TSPAN12: variants seen among roughly 807,000 people sequenced by gnomAD.
The protein encoded by TSPAN12 is tetraspanin-12.
Under a neutral mutation model 39.2 loss-of-function variants are expected in TSPAN12, and 19 were observed. The ratio of observed to expected loss-of-function variants is 0.49; its 90% confidence interval spans 0.34 to 0.71. The LOEUF (loss-of-function observed/expected upper bound fraction) is 0.71, where lower values mean the gene tolerates loss of function less well. TSPAN12 is among the 30% of genes least tolerant of loss of function. TSPAN12 has a pLI of 0.01. For synonymous variants in TSPAN12, 119 were observed against 124.8 expected, an observed-to-expected ratio of 0.95 and a Z score of 0.31; for missense variants, 314 against 359.9, an observed-to-expected ratio of 0.87 and a Z score of 1.03.
At chr7:120,853,362 C>G (rs139197554) in intron 2 of TSPAN12, among the ~76,000 whole-genome samples, 2,094 of 151,152 alleles carry the variant, frequency 0.014, 27 homozygotes, top group African/African-American at 0.039. Context: ...AAAGTGCTTG[C>G]ATTACAGGTG....
chr7:120,829,757 C>T (rs1315218222), intron 4 of TSPAN12, among the ~76,000 whole-genome samples: 9 of 152,056 alleles, frequency 5.9e-5, no homozygotes, highest in Admixed American at 5.9e-4. Flanking sequence ...GGACAGTCAC[C>T]AAATCAATGG....
intron 2 of TSPAN12, among the ~76,000 whole-genome samples, chr7:120,842,836 G>A (rs1356018343): frequency 6.6e-6 from 1 of 151,622 alleles, no homozygotes; most frequent in Non-Finnish European, 1.5e-5. Context: ...TTAAAATACA[G>A]ATTAATAGTA....
chr7:120,857,655 C>A (rs1794901013), intron 1 of TSPAN12, among the ~76,000 whole-genome samples, 165 bp downstream of exon 1: 1 of 152,096 alleles, frequency 6.6e-6, no homozygotes, highest in South Asian at 2.1e-4. Flanking sequence ...GGCCACCGAC[C>A]CAGCCATCGC....
chr7:120,840,961 G>C (rs904948857), intron 2 of TSPAN12, among the ~76,000 whole-genome samples: 1 of 152,116 alleles, frequency 6.6e-6, no homozygotes, highest in Non-Finnish European at 1.5e-5. Context: ...ATCATTTAAG[G>C]CTCAAAAAAA....
chr7:120,803,368 C>T (rs930481340), intron 7 of TSPAN12, among the ~76,000 whole-genome samples: 6 of 152,162 alleles, frequency 3.9e-5, no homozygotes, highest in Non-Finnish European at 7.4e-5. Context: ...ATACCTCCAG[C>T]TGTTCCTCAC....
At chr7:120,809,907 G>T (rs1474362035) in intron 6 of TSPAN12, among the ~76,000 whole-genome samples, 1 of 152,058 alleles carries the variant, frequency 6.6e-6, no homozygotes, top group Non-Finnish European at 1.5e-5. Flanking sequence ...GAAGAGAGAG[G>T]TATTTTTATT....
rs567136037 is a variant in TSPAN12 at position 120,814,842 on chromosome 7, A to G, written c.360+887T>C. On this transcript the variant is annotated intron_variant, in intron 5 of 7. Coordinates refer to ENST00000222747, the MANE Select transcript of TSPAN12 (RefSeq NM_012338.4). Reference sequence around the variant, plus strand: ...TCAAGTAGCCAAGTGTGGAACTGTGAGAGTGTTTCTAGATCGTGCCAAACA... The same window carrying G: ...TCAAGTAGCCAAGTGTGGAACTGTGGGAGTGTTTCTAGATCGTGCCAAACA... 1.6e-4 allele frequency among the ~76,000 whole-genome samples: 25 copies of G among 152,346 alleles called. No homozygotes were observed. In the South Asian group the frequency reaches 2.5e-3, roughly 15 times the overall value.
At chr7:120,799,505 A>ATTAATTATATATAATTAATTATAT (rs1793701642) in intron 7 of TSPAN12, among the ~76,000 whole-genome samples, 2 of 122,534 alleles carry the variant, frequency 1.6e-5, no homozygotes, top group South Asian at 2.2e-4. Context: ...TTTTTAATTA[A>ATTAATTATATATAATTAATTATAT]TTAATTATAT....
chr7:120,803,348 A>T (rs962156215), intron 7 of TSPAN12, among the ~76,000 whole-genome samples: 1 of 152,154 alleles, frequency 6.6e-6, no homozygotes, highest in Non-Finnish European at 1.5e-5. Context: ...CTTCTGAATA[A>T]ACATCCCAAA....
intron 3 of TSPAN12, among the ~76,000 whole-genome samples, chr7:120,839,684 T>C (rs1794542083): frequency 6.6e-6 from 1 of 152,078 alleles, no homozygotes; most frequent in African/African-American, 2.4e-5. Context: ...CCCAAGAATA[T>C]GAAGGTAAGA....
intron 4 of TSPAN12, among the ~76,000 whole-genome samples, chr7:120,831,280 A>C (rs1037281980): frequency 5.3e-5 from 8 of 152,120 alleles, no homozygotes; most frequent in African/African-American, 1.9e-4. Flanking sequence ...ATGATCCAGC[A>C]ATCTCACTTC....
chr7:120,802,509 G>GT (rs113036693), intron 7 of TSPAN12, among the ~76,000 whole-genome samples: 275 of 150,766 alleles, frequency 1.8e-3, no homozygotes, highest in Non-Finnish European at 2.7e-3. Context: ...TTCTATTGCT[G>GT]TTTTTTTTTC....
At chr7:120,837,794 T>G (rs1794506979) in intron 4 of TSPAN12, among the ~76,000 whole-genome samples, 1 of 152,214 alleles carries the variant, frequency 6.6e-6, no homozygotes. Context: ...AGCACGAGTG[T>G]GTGGGAGCTG....
intron 7 of TSPAN12, among the ~76,000 whole-genome samples, chr7:120,792,749 C>T (rs1021753014): frequency 3.3e-5 from 5 of 152,056 alleles, no homozygotes; most frequent in South Asian, 4.1e-4. Context: ...GCCATCGAAC[C>T]GACAAATAAA....
intron 5 of TSPAN12, chr7:120,814,075 CACT>C: frequency 2.6e-6 from 1 of 386,474 alleles, no homozygotes; most frequent in Non-Finnish European, 5.1e-6. Context: ...GCCAAAGCAC[CACT>C]GACATGTAAA....
rs908878786 is a variant in TSPAN12 at position 120,787,833 on chromosome 7, T to C, written c.*759A>G. 6.6e-6 allele frequency: 1 copy of C among 152,484 alleles called. No homozygotes were observed. Among genetic ancestry groups the C allele is most frequent in the East Asian group, 1.9e-4 (1 of 5,204 alleles). 9.4% of individuals were successfully genotyped at this position (152,484 alleles called of 1,614,324 possible). Reference sequence around the variant, plus strand: ...TAGTGGTTAAGTATTTAAATAACAGTTATATGTGTAATATAAGCCCAGGAC... The same window carrying C: ...TAGTGGTTAAGTATTTAAATAACAGCTATATGTGTAATATAAGCCCAGGAC... On this transcript the variant is annotated 3_prime_UTR_variant, in exon 8 of 8. Transcript: ENST00000222747.
rs552739543 is a variant in TSPAN12 at position 120,830,956 on chromosome 7, T to C, written c.285+7821A>G. Among the ~76,000 whole-genome samples the C allele has an allele frequency of 4.0e-5, 6 of 151,468 alleles. No homozygotes were observed. The South Asian group carries it at 1.3e-3, about 32-fold the overall frequency. On this transcript the variant is annotated intron_variant, in intron 4 of 7. Transcript: ENST00000222747. ...AACAACTCAATAGCAAGAAAGTAAA[T>C]AACCCAATTAAAAAATAAGCAAAGG...
At chr7:120,806,142 T>C (rs1032909483) in intron 7 of TSPAN12, among the ~76,000 whole-genome samples, 30 of 151,942 alleles carry the variant, frequency 2.0e-4, no homozygotes, top group Admixed American at 5.9e-4. Flanking sequence ...TTCTTTTTTT[T>C]CCCCTTCTAT....
chr7:120,813,363 G>A (rs1280200838), intron 5 of TSPAN12, among the ~76,000 whole-genome samples: 2 of 152,216 alleles, frequency 1.3e-5, no homozygotes, highest in African/African-American at 4.8e-5. Context: ...GCCCTCAACT[G>A]GAATGGCAGT....
Sources: gnomAD v4.1 joint callset for allele counts (sites outside exome capture counted in the v4.1 genomes callset) on GRCh38, gnomAD v4.1.1 for gene constraint, MANE v1.5 for transcripts, NCBI Gene and HGNC (gene_info 2026-07-23, HGNC 2026-07-21) for gene names.